The following DOCK5 variants were observed in gnomAD, a reference collection of about 807,000 sequenced individuals.
DOCK5 encodes the protein dedicator of cytokinesis protein 5.
In DOCK5, 142 loss-of-function variants were observed where a neutral mutation model predicts 251.8. That is an observed-to-expected ratio of 0.56 (90% CI 0.49 to 0.65). The LOEUF (loss-of-function observed/expected upper bound fraction) is 0.65, where lower values mean the gene tolerates loss of function less well. Among genes scored for constraint, DOCK5 ranks in the 30% least tolerant of loss-of-function variants. The pLI is 0.00. For missense variants in DOCK5, 2,111 were observed against 2,312.3 expected (o/e 0.91, Z 1.79); for synonymous variants, 842 against 835.5 (o/e 1.01, Z -0.13).
chr8:25,299,953 A>T (rs765010069), intron 8 of DOCK5, among the ~76,000 whole-genome samples: 1 of 152,034 alleles, frequency 6.6e-6, no homozygotes, highest in Non-Finnish European at 1.5e-5. Flanking sequence ...TTTATTGTTT[A>T]TTTTTTGAGA....
intron 41 of DOCK5, among the ~76,000 whole-genome samples, chr8:25,389,987 A>AG (rs1488497925): frequency 6.6e-6 from 1 of 150,882 alleles, no homozygotes; most frequent in African/African-American, 2.4e-5. Flanking sequence ...GTCTGACCGA[A>AG]AAAAAAAAAA....
At position 25,415,040 on chromosome 8, in the gene DOCK5, T is replaced by C. The variant is rs112106616; in HGVS notation, c.*3742T>C. The C allele has an allele frequency of 1.0e-3, 159 of 152,176 alleles. No individual in the cohort carries two copies. The highest frequency in any genetic ancestry group is 3.5e-3 in the African/African-American group (147 of 41,520). 9.4% of individuals were successfully genotyped at this position (152,176 alleles called of 1,614,324 possible). On this transcript the variant is annotated 3_prime_UTR_variant, in exon 52 of 52. Coordinates refer to ENST00000276440, the MANE Select transcript of DOCK5 (RefSeq NM_024940.8). ...GGAAACTAGTTTTCTGTACAAAGGC[T>C]TTGAGGTCCATGGACTATACTTGTC...
chr8:25,352,593 A>G (rs1004642615), intron 27 of DOCK5, among the ~76,000 whole-genome samples: 2 of 152,220 alleles, frequency 1.3e-5, no homozygotes, highest in Non-Finnish European at 2.9e-5. Context: ...TTAGATTTTA[A>G]TTAGAGGACA....
intron 1 of DOCK5, among the ~76,000 whole-genome samples, chr8:25,226,539 C>T (rs1044473282): frequency 2.0e-5 from 3 of 151,944 alleles, no homozygotes; most frequent in Non-Finnish European, 4.4e-5. Context: ...AGGCGCAAGC[C>T]ACCATGCCTG....
intron 5 of DOCK5, among the ~76,000 whole-genome samples, chr8:25,282,417 A>C (rs1209894537): frequency 1.3e-5 from 2 of 152,094 alleles, no homozygotes; most frequent in Admixed American, 1.3e-4. Context: ...GTATGCTGTT[A>C]TTGATGTTTT....
At chr8:25,190,772 A>G (rs1388764363) in intron 1 of DOCK5, among the ~76,000 whole-genome samples, 4 of 40,498 alleles carry the variant, frequency 9.9e-5, no homozygotes, top group Non-Finnish European at 1.9e-4. Flanking sequence ...TAACTTGGTC[A>G]TGGGTTTTTT....
chr8:25,204,471 T>C (rs1190821731), intron 1 of DOCK5, among the ~76,000 whole-genome samples: 2 of 152,108 alleles, frequency 1.3e-5, no homozygotes, highest in Non-Finnish European at 2.9e-5. Flanking sequence ...ATTCTCAGAG[T>C]GTGATGAATT....
rs748291582 is a variant in DOCK5 at position 25,391,945 on chromosome 8, C to T, written c.4405C>T (p.Arg1469Trp). The change falls in exon 43 of 52, where the codon CGG (arginine) becomes TGG (tryptophan). Residue 1469 changes from arginine (R) to tryptophan (W), a missense_variant. By Grantham distance (101) the Arg-to-Trp change is moderately radical. Transcript: ENST00000276440. ...VQQFRYSRPFRKGEKDPDNEF... is the reference protein window; with the variant it reads ...VQQFRYSRPFWKGEKDPDNEF... ...GCAGTTCAGATACTCCCGGCCGTTC[C>T]GGAAAGGAGAAAAGGATCCAGACAA... is the stretch of plus-strand genomic sequence containing the variant. 61 of 1,613,700 alleles carry T rather than the reference C, an allele frequency of 3.8e-5. No individual in the cohort carries two copies. Among genetic ancestry groups the T allele is most frequent in the Admixed American group, 1.2e-4 (7 of 59,980 alleles).
intron 3 of DOCK5, 28 bp from the exon 4 acceptor site, chr8:25,275,358 C>G (rs1435220982): frequency 2.5e-6 from 4 of 1,579,986 alleles, no homozygotes; most frequent in Non-Finnish European, 3.4e-6. Flanking sequence ...TTTTTATGGC[C>G]ATATAACCAA....
In DOCK5 at chr8:25,413,594, C is replaced by T. The variant is rs1801665838; in HGVS notation, c.*2296C>T. 1 of 152,246 alleles carries T rather than the reference C, an allele frequency of 6.6e-6. No individual in the cohort carries two copies. The highest frequency in any genetic ancestry group is 1.5e-5 in the Non-Finnish European group (1 of 68,070). The allele number at this position is 152,246 out of a possible 1,614,324, so 9.4% of individuals were successfully genotyped here. A position where few individuals can be genotyped will look rare whatever the true frequency, so the allele number is the denominator to read the frequency against. The stretch of plus-strand genomic sequence containing the variant: ...GCCATTAAAATAGAAAGATATAAAA[C>T]TGGGTCACCAAAAAAACCAAACCTC... On this transcript the variant is annotated 3_prime_UTR_variant, in exon 52 of 52. Transcript: ENST00000276440.
chr8:25,236,591 T>A (rs942106004), intron 1 of DOCK5, among the ~76,000 whole-genome samples: 18 of 151,678 alleles, frequency 1.2e-4, no homozygotes, highest in Admixed American at 9.9e-4. Flanking sequence ...CTTTTTTTTA[T>A]TTTTTTTGAA....
At chr8:25,202,439 T>C (rs749463480) in intron 1 of DOCK5, among the ~76,000 whole-genome samples, 10 of 152,172 alleles carry the variant, frequency 6.6e-5, no homozygotes, top group African/African-American at 7.2e-5. Flanking sequence ...CTAAGAGGAA[T>C]GGATGAATGA....
intron 1 of DOCK5, among the ~76,000 whole-genome samples, chr8:25,226,541 C>T (rs558316884): frequency 5.8e-4 from 88 of 151,964 alleles, no homozygotes; most frequent in Admixed American, 3.5e-3. Context: ...GCGCAAGCCA[C>T]CATGCCTGAC....
chr8:25,293,214 T>G (rs1396043023), intron 6 of DOCK5, among the ~76,000 whole-genome samples: 8 of 152,226 alleles, frequency 5.3e-5, no homozygotes, highest in Non-Finnish European at 1.2e-4. Flanking sequence ...AACTTGTGCA[T>G]ATGTGATTTT....
In DOCK5 at chr8:25,314,283, A is replaced by ATT. The variant is rs370101405; in HGVS notation, c.1319-2709_1319-2708dup. The stretch of plus-strand genomic sequence containing the variant: ...TGAGCCACCACATCTGGCTAATTTA[A>ATT]TTTTTTTTTTTTTTTTGTAGAGATC... On this transcript the variant is annotated intron_variant, in intron 13 of 51. Transcript: ENST00000276440. Among the ~76,000 whole-genome samples the ATT allele has an allele frequency of 2.1e-3, 280 of 135,204 alleles. 8 individuals carry two copies. In the South Asian group the frequency reaches 0.043, roughly 21 times the overall value. 88.7% of individuals were successfully genotyped at this position (135,204 alleles called of 152,430 possible). A position where few individuals can be genotyped will look rare whatever the true frequency, so the allele number is the denominator to read the frequency against.
At chr8:25,283,270 G>A (rs1484355537) in intron 5 of DOCK5, among the ~76,000 whole-genome samples, 1 of 152,148 alleles carries the variant, frequency 6.6e-6, no homozygotes, top group African/African-American at 2.4e-5. Context: ...ATCTTCCCCA[G>A]TGGGTGTTGG....
rs1303754766 is a variant in DOCK5 at position 25,415,645 on chromosome 8, G to A, written c.*4347G>A. The A allele has an allele frequency of 1.3e-5, 2 of 152,178 alleles. No homozygotes were observed. Among genetic ancestry groups the A allele is most frequent in the African/African-American group, 4.8e-5 (2 of 41,452 alleles). The allele number at this position is 152,178 out of a possible 1,614,324, so 9.4% of individuals were successfully genotyped here. ...GACAGTTAGGAAGATGTGCATTGAA[G>A]TAGGAAAATTTTGTTCAGATTTGCT... On this transcript the variant is annotated 3_prime_UTR_variant, in exon 52 of 52. Coordinates refer to ENST00000276440, the MANE Select transcript of DOCK5 (RefSeq NM_024940.8).
At position 25,399,975 on chromosome 8, in the gene DOCK5, A is replaced by C. The variant is rs1801409325; in HGVS notation, c.4769A>C (p.Lys1590Thr). ...PEDQEKVELLKRLIALQMPLL... is the reference protein window; with the variant it reads ...PEDQEKVELLTRLIALQMPLL... ...GACCAGGAGAAGGTTGAGCTGCTAA[A>C]GCGACTAATAGCATTACAGGTACAG... The change falls in exon 46 of 52, where the codon AAG becomes ACG. Residue 1590 changes from lysine (K) to threonine (T), a missense_variant. Lys to Thr is a moderately conservative substitution (Grantham distance 78, BLOSUM62 -1). Transcript: ENST00000276440. 1 of 1,613,574 alleles carries C rather than the reference A, an allele frequency of 6.2e-7. No homozygotes were observed. Among genetic ancestry groups the C allele is most frequent in the African/African-American group, 1.3e-5 (1 of 74,920 alleles).
chr8:25,335,190 A>G (rs920923203), intron 21 of DOCK5, among the ~76,000 whole-genome samples: 1 of 152,212 alleles, frequency 6.6e-6, no homozygotes, highest in African/African-American at 2.4e-5. Context: ...GGCTTAAGCC[A>G]CATCCTGTAG....
Sources: gnomAD v4.1 joint callset for allele counts (sites outside exome capture counted in the v4.1 genomes callset) on GRCh38, gnomAD v4.1.1 for gene constraint, MANE v1.5 for transcripts, NCBI Gene and HGNC (gene_info 2026-07-23, HGNC 2026-07-21) for gene names.